CDKAL1: variants seen among roughly 807,000 people sequenced by gnomAD.
CDKAL1 encodes threonylcarbamoyladenosine tRNA methylthiotransferase.
In CDKAL1, 32 loss-of-function variants were observed where a neutral mutation model predicts 68.2. The ratio of observed to expected loss-of-function variants is 0.47; its 90% CI spans 0.35 to 0.63. CDKAL1 has a LOEUF of 0.63. Ranked by LOEUF, CDKAL1 falls within the 30% of genes least tolerant of loss-of-function variation. The pLI is 0.00. For synonymous variants in CDKAL1, 234 were observed against 244.3 expected (o/e 0.96, Z 0.39); for missense variants, 606 against 696.7 (o/e 0.87, Z 1.47).
intron 13 of CDKAL1, among the ~76,000 whole-genome samples, chr6:21,185,974 T>C (rs1040971414): frequency 4.0e-5 from 6 of 150,934 alleles, no homozygotes; most frequent in African/African-American, 1.5e-4. Context: ...GTAATACAAG[T>C]GGGCTCTTTC....
At chr6:20,579,081 G>A (rs185466814) in intron 4 of CDKAL1, among the ~76,000 whole-genome samples, 177 of 152,234 alleles carry the variant, frequency 1.2e-3, no homozygotes, top group African/African-American at 4.1e-3. Context: ...GGGTTCAAGC[G>A]ATTCTCCTGG....
At chr6:21,176,841 C>A (rs1016560967) in intron 13 of CDKAL1, among the ~76,000 whole-genome samples, 1 of 148,698 alleles carries the variant, frequency 6.7e-6, no homozygotes, top group African/African-American at 2.5e-5. Flanking sequence ...ATTACAGGCG[C>A]CTGCCACAGT....
At chr6:20,719,051 A>G (rs1772223745) in intron 5 of CDKAL1, among the ~76,000 whole-genome samples, 1 of 152,174 alleles carries the variant, frequency 6.6e-6, no homozygotes, top group Non-Finnish European at 1.5e-5. Flanking sequence ...CTGTCAGTTC[A>G]TGGCAGAGTC....
chr6:20,627,768 A>G (rs1767496673), intron 4 of CDKAL1, among the ~76,000 whole-genome samples: 1 of 152,098 alleles, frequency 6.6e-6, no homozygotes, highest in Non-Finnish European at 1.5e-5. Flanking sequence ...TTTCAACACA[A>G]TTTTATAATT....
chr6:20,811,375 A>G (rs1776809487), intron 8 of CDKAL1, among the ~76,000 whole-genome samples: 1 of 152,188 alleles, frequency 6.6e-6, no homozygotes, highest in African/African-American at 2.4e-5. Flanking sequence ...ATTCCCAGGA[A>G]AGTCTGACTC....
At chr6:20,819,052 T>C (rs1370567288) in intron 8 of CDKAL1, among the ~76,000 whole-genome samples, 2 of 152,138 alleles carry the variant, frequency 1.3e-5, no homozygotes, top group Admixed American at 1.3e-4. Context: ...TTTCACAAGG[T>C]ACTCACTTGA....
At chr6:20,945,511 T>C (rs1460176873) in intron 9 of CDKAL1, among the ~76,000 whole-genome samples, 1 of 152,214 alleles carries the variant, frequency 6.6e-6, no homozygotes, top group Non-Finnish European at 1.5e-5. Flanking sequence ...CCTATTTTTC[T>C]ATTCATTTTC....
chr6:21,193,402 G>A (rs962858852), intron 13 of CDKAL1, among the ~76,000 whole-genome samples: 5 of 152,060 alleles, frequency 3.3e-5, no homozygotes, highest in Admixed American at 6.6e-5. Flanking sequence ...GTGCTGATCC[G>A]CAGCCTACAG....
chr6:20,802,098 G>A (rs574146952), intron 8 of CDKAL1, among the ~76,000 whole-genome samples: 5 of 152,126 alleles, frequency 3.3e-5, no homozygotes, highest in South Asian at 2.1e-4. Flanking sequence ...AAGAGATTGA[G>A]ACCATCCTGG....
chr6:21,219,206 G>A (rs6937610), intron 15 of CDKAL1, among the ~76,000 whole-genome samples: 67,754 of 151,940 alleles, frequency 0.45, 17,375 homozygotes, highest in African/African-American at 0.71. Context: ...CCCCCGATGG[G>A]TACCAAAATT....
chr6:21,142,107 G>A (rs961636604), intron 13 of CDKAL1, among the ~76,000 whole-genome samples: 1 of 150,650 alleles, frequency 6.6e-6, no homozygotes, highest in Non-Finnish European at 1.5e-5. Flanking sequence ...ACTGGTCTAG[G>A]TGTTCCCAGC....
intron 11 of CDKAL1, among the ~76,000 whole-genome samples, chr6:21,016,198 T>G (rs1452848037): frequency 5.9e-5 from 9 of 152,060 alleles, no homozygotes; most frequent in Admixed American, 5.9e-4. Flanking sequence ...AACAATTCTG[T>G]GAAACAGAAT....
At chr6:20,694,172 A>T (rs1771007889) in intron 5 of CDKAL1, among the ~76,000 whole-genome samples, 1 of 150,854 alleles carries the variant, frequency 6.6e-6, no homozygotes, top group South Asian at 2.1e-4. Context: ...AACTATCTTT[A>T]TAAACAAACA....
intron 13 of CDKAL1, among the ~76,000 whole-genome samples, chr6:21,164,045 A>G (rs1777039439): frequency 6.6e-6 from 1 of 152,022 alleles, no homozygotes; most frequent in African/African-American, 2.4e-5. Flanking sequence ...ACCTAGCTCC[A>G]GAATGACCTA....
At chr6:20,935,997 T>C (rs903358462) in intron 9 of CDKAL1, among the ~76,000 whole-genome samples, 10 of 152,230 alleles carry the variant, frequency 6.6e-5, no homozygotes, top group Admixed American at 1.3e-4. Context: ...CCTTGTCCCA[T>C]AGCTTCTCCT....
intron 6 of CDKAL1, among the ~76,000 whole-genome samples, chr6:20,750,366 CCA>C (rs1191616410): frequency 6.6e-6 from 1 of 152,046 alleles, no homozygotes; most frequent in Non-Finnish European, 1.5e-5. Context: ...TGTTATGTCC[CCA>C]GTTACTAGAA....
At chr6:20,969,947 T>C (rs2150752327) in intron 10 of CDKAL1, among the ~76,000 whole-genome samples, 1 of 152,278 alleles carries the variant, frequency 6.6e-6, no homozygotes, top group African/African-American at 2.4e-5. Flanking sequence ...CTTTTTTTTT[T>C]TTTTAAGCTT....
Position 20,780,827 on chromosome 6 carries a change from C to T in CDKAL1, c.518-318C>T, listed in dbSNP as rs377450051. On this transcript the variant is annotated intron_variant, in intron 7 of 15. Coordinates refer to ENST00000274695, the MANE Select transcript of CDKAL1 (RefSeq NM_017774.3). ...TAGCTGGGATTACAGGCGCCCGCCA[C>T]CACACCCGGCTTATTTTTGTACTTT... Among the ~76,000 whole-genome samples, 106 of 152,086 alleles carry T rather than the reference C, an allele frequency of 7.0e-4. 1 individual carries two copies. Among genetic ancestry groups the T allele is most frequent in the African/African-American group, 2.4e-3 (99 of 41,516 alleles).
chr6:21,121,326 A>G (rs1774702163), intron 13 of CDKAL1, among the ~76,000 whole-genome samples: 1 of 152,192 alleles, frequency 6.6e-6, no homozygotes, highest in South Asian at 2.1e-4. Context: ...TGTCGGCAAG[A>G]TACTTAAGTT....
Sources: allele counts gnomAD v4.1 joint callset (sites outside exome capture counted in the v4.1 genomes callset), GRCh38; gene constraint gnomAD v4.1.1; transcripts MANE v1.5; gene names NCBI Gene and HGNC (gene_info 2026-07-23, HGNC 2026-07-21).